Variants in XPO5 observed in about 807,000 individuals in gnomAD.
The protein encoded by XPO5 is exportin-5.
Under a neutral mutation model 160.6 loss-of-function variants are expected in XPO5, and 46 were observed. That is an observed-to-expected ratio of 0.29 (90% CI 0.23 to 0.37). XPO5 has a LOEUF of 0.37. Ranked by LOEUF, XPO5 falls within the 10% of genes least tolerant of loss-of-function variation. The pLI is 1.00. For synonymous variants in XPO5, 537 were observed against 519.3 expected (o/e 1.03, Z -0.46); for missense variants, 1,090 against 1,463.9 (o/e 0.74, Z 4.17).
chr6:43,566,811 T>TA (rs56147929), intron 7 of XPO5, among the ~76,000 whole-genome samples: 15,727 of 101,594 alleles, frequency 0.15, 1,932 homozygotes, highest in African/African-American at 0.36. Flanking sequence ...CTGTTTCAAT[T>TA]AAAAAAAAAA....
intron 21 of XPO5, among the ~76,000 whole-genome samples, chr6:43,532,720 G>C (rs1235717408): frequency 6.6e-6 from 1 of 152,158 alleles, no homozygotes; most frequent in Non-Finnish European, 1.5e-5. Flanking sequence ...TCTGAGACTG[G>C]GTTAGGTCTC....
Position 43,565,672 on chromosome 6 carries a change from A to T in XPO5, c.899T>A (p.Leu300His). The change falls in exon 8 of 32, where the codon CTC becomes CAC. Residue 300 changes from leucine to histidine, a missense_variant. Coordinates refer to ENST00000265351, the MANE Select transcript of XPO5 (RefSeq NM_020750.3). ...LFGDVAMHYILSAAQTADGGG... is the reference protein window; with the variant it reads ...LFGDVAMHYIHSAAQTADGGG... The stretch of plus-strand genomic sequence containing the variant: ...TAAAGATACTCACTGTGCGGCGGAG[A>T]GTATATAATGCATGGCAACATCTCC... 1 of 1,607,638 alleles carries T rather than the reference A, an allele frequency of 6.2e-7. No individual in the cohort carries two copies.
rs1392129144 is a variant in XPO5, at chr6:43,567,149, A to G, written c.834+20T>C. 4 of 1,601,024 alleles carry G rather than the reference A, an allele frequency of 2.5e-6. No individual in the cohort carries two copies. The highest frequency in any genetic ancestry group is 1.7e-5 in the Admixed American group (1 of 58,224). ...CTACTTCAGAGACTGAGGATAAGTC[A>G]GTTTGAAGTGGTAACTTACTTTTCT... On this transcript the variant is annotated intron_variant, in intron 7 of 31. Transcript: ENST00000265351.
At chr6:43,547,825 G>C in intron 18 of XPO5, 118 bp from the exon 19 acceptor site, 1 of 758,686 alleles carries the variant, frequency 1.3e-6, no homozygotes, top group Non-Finnish European at 2.2e-6. Flanking sequence ...TATAGTGAGA[G>C]GAGTATAATC....
intron 18 of XPO5, among the ~76,000 whole-genome samples, chr6:43,547,999 C>T (rs569310250): frequency 6.6e-6 from 1 of 152,158 alleles, no homozygotes; most frequent in South Asian, 2.1e-4. Context: ...GTTGTATGGC[C>T]CTTCCTAGCT....
In XPO5 at chr6:43,567,333, C is replaced by G. The variant is rs1268174272; in HGVS notation, c.670G>C (p.Gly224Arg). The change falls in exon 7 of 32, where the codon GGA (glycine) becomes CGA (arginine). Residue 224 changes from glycine to arginine, a missense_variant. Around this residue, in one of 3 missense-constraint regions of XPO5, gnomAD observed 110 missense variants for 97.9 expected, o/e 1.12. Coordinates refer to ENST00000265351, the MANE Select transcript of XPO5 (RefSeq NM_020750.3). ...GCTAGAGTATTCAGTGCTGCAACTCCTACTCGACAGTTTGCTTGCGCCTAC... is the reference window on the plus strand; with the variant it reads ...GCTAGAGTATTCAGTGCTGCAACTCGTACTCGACAGTTTGCTTGCGCCTAC... Reference protein sequence around the residue: ...ESKAQANCRVGVAALNTLAGY... With the variant: ...ESKAQANCRVRVAALNTLAGY... 15 of 1,607,542 alleles carry G rather than the reference C, an allele frequency of 9.3e-6. No individual in the cohort carries two copies. The highest frequency in any genetic ancestry group is 4.0e-5 in the African/African-American group (3 of 74,690).
chr6:43,538,522 C>T (rs1053017285), intron 20 of XPO5, among the ~76,000 whole-genome samples: 3 of 152,036 alleles, frequency 2.0e-5, no homozygotes, highest in African/African-American at 4.8e-5. Context: ...GGAAAACATT[C>T]GGTGATATTT....
At chr6:43,543,618 C>T (rs1794812417) in intron 20 of XPO5, among the ~76,000 whole-genome samples, 1 of 152,080 alleles carries the variant, frequency 6.6e-6, no homozygotes, top group Non-Finnish European at 1.5e-5. Context: ...TACACACACT[C>T]ACAAGTTAAG....
At chr6:43,526,977 C>CT (rs1393025603) in intron 26 of XPO5, 15 of 527,214 alleles carry the variant, frequency 2.8e-5, no homozygotes, top group Non-Finnish European at 4.8e-5. Flanking sequence ...ACAGAATTCT[C>CT]TGAGAGTGAG....
At chr6:43,553,276 T>G in intron 14 of XPO5, 97 bp downstream of exon 14, 7 of 1,423,438 alleles carry the variant, frequency 4.9e-6, no homozygotes, top group Non-Finnish European at 5.6e-6. Context: ...CATTTCAGCC[T>G]GAGCAACAGA....
chr6:43,568,674 T>C (rs768610218), intron 6 of XPO5, 37 bp downstream of exon 6: 1 of 1,548,644 alleles, frequency 6.5e-7, no homozygotes, highest in Non-Finnish European at 8.7e-7. Flanking sequence ...CCTGAAAGGT[T>C]CAAAGGTCTC....
rs551241837 is a variant in XPO5 at position 43,575,677 on chromosome 6, T to C, written c.105+83A>G. The C allele has an allele frequency of 5.7e-4, 727 of 1,273,470 alleles. 8 individuals are homozygous for C. In the South Asian group the frequency reaches 8.8e-3, roughly 15 times the overall value. 78.9% of individuals were successfully genotyped at this position (1,273,470 alleles called of 1,614,324 possible). The stretch of plus-strand genomic sequence containing the variant: ...TCCAGGGGCCGCGTGGGCGGGAGAC[T>C]ACCCCAGTTACAGGCGGCGCCGGAG... On this transcript the variant is annotated intron_variant, in intron 1 of 31. Coordinates refer to ENST00000265351, the MANE Select transcript of XPO5 (RefSeq NM_020750.3).
intron 20 of XPO5, among the ~76,000 whole-genome samples, chr6:43,540,304 C>T (rs921003615): frequency 1.3e-5 from 2 of 152,134 alleles, no homozygotes; most frequent in Non-Finnish European, 2.9e-5. Flanking sequence ...ACGGTGAAAC[C>T]CTGTCTCTAC....
Position 43,575,929 on chromosome 6 carries a change from CCTCGGCGAGA to C in XPO5, c.-75_-66del, listed in dbSNP as rs1763298915. 1 of 1,522,110 alleles carries C rather than the reference CCTCGGCGAGA, an allele frequency of 6.6e-7. No homozygotes were observed. The highest frequency in any genetic ancestry group is 1.1e-5 in the South Asian group (1 of 87,028). The allele number at this position is 1,522,110 out of a possible 1,614,324, so 94.3% of individuals were successfully genotyped here. A position where few individuals can be genotyped will look rare whatever the true frequency, so the allele number is the denominator to read the frequency against. ...CCGGGACCACGAGGCACGACAGCTC[CCTCGGCGAGA>C]CCACCCGTTGGTACCGGGCCGCGGC... On this transcript the variant is annotated 5_prime_UTR_variant, in exon 1 of 32. Coordinates refer to ENST00000265351, the MANE Select transcript of XPO5 (RefSeq NM_020750.3).
At chr6:43,568,634 C>G in intron 6 of XPO5, 77 bp downstream of exon 6, 1 of 1,291,698 alleles carries the variant, frequency 7.7e-7, no homozygotes, top group East Asian at 2.6e-5. Context: ...AGGCTGAGGT[C>G]ACCATCCACT....
At chr6:43,564,901 G>A (rs950563080) in intron 8 of XPO5, among the ~76,000 whole-genome samples, 8 of 150,418 alleles carry the variant, frequency 5.3e-5, no homozygotes, top group African/African-American at 2.0e-4. Context: ...AGCACATTCA[G>A]CCATGACTGC....
At chr6:43,567,033 T>C (rs1762731181) in intron 7 of XPO5, 136 bp downstream of exon 7, 17 of 840,504 alleles carry the variant, frequency 2.0e-5, no homozygotes, top group Non-Finnish European at 3.0e-5. Flanking sequence ...TCCAAGGGGG[T>C]TGGAAGCAGG....
intron 20 of XPO5, chr6:43,539,626 G>A: frequency 1.5e-6 from 2 of 1,356,562 alleles, no homozygotes; most frequent in African/African-American, 1.4e-5. Context: ...CGAAACCTCT[G>A]CGGAAGCCAC....
At chr6:43,568,784 A>C in intron 5 of XPO5, 47 bp from the exon 6 acceptor site, 3 of 1,498,294 alleles carry the variant, frequency 2.0e-6, no homozygotes, top group Non-Finnish European at 2.7e-6. Context: ...GCAAAAGGCC[A>C]CATAATAACT....
Sources: gnomAD v4.1 joint callset for allele counts (sites outside exome capture counted in the v4.1 genomes callset) on GRCh38, gnomAD v4.1.1 for gene constraint, gnomAD v4.1.1 regional missense constraint, MANE v1.5 for transcripts, NCBI Gene and HGNC (gene_info 2026-07-23, HGNC 2026-07-21) for gene names.